Variants in CTNNBL1 observed in about 807,000 individuals in gnomAD.
CTNNBL1 encodes beta-catenin-like protein 1.
A neutral mutation model predicts 72.7 loss-of-function variants in CTNNBL1; 31 were observed. The ratio of observed to expected loss-of-function variants is 0.43; its 90% CI spans 0.32 to 0.58. CTNNBL1 has a LOEUF of 0.58. Ranked by LOEUF, CTNNBL1 falls within the 20% of genes least tolerant of loss-of-function variation. The probability of loss-of-function intolerance (pLI) is 0.08; values close to 1 mark genes in which losing one functional copy is unlikely to be tolerated. For missense variants in CTNNBL1, 534 were observed against 725.1 expected (o/e 0.74, Z 3.03); for synonymous variants, 240 against 267.3 (o/e 0.90, Z 1.00).
At chr20:37,840,008 T>G (rs2072288738) in intron 11 of CTNNBL1, 94 bp from the exon 12 acceptor site, 1 of 838,130 alleles carries the variant, frequency 1.2e-6, no homozygotes, top group African/African-American at 1.7e-5. Context: ...AAGGCCTACT[T>G]ATTCTGCCCT....
chr20:37,705,344 A>G (rs2072876052), intron 1 of CTNNBL1, among the ~76,000 whole-genome samples: 1 of 152,210 alleles, frequency 6.6e-6, no homozygotes, highest in Admixed American at 6.5e-5. Flanking sequence ...AAATGAGACA[A>G]TTTGGATATT....
intron 11 of CTNNBL1, among the ~76,000 whole-genome samples, chr20:37,833,946 A>G (rs1006370076): frequency 6.6e-6 from 1 of 152,216 alleles, no homozygotes; most frequent in South Asian, 2.1e-4. Flanking sequence ...TCTGGCCGGC[A>G]CCAGTAGCCT....
At chr20:37,788,999 CAGATGA>C (rs1173765894) in intron 10 of CTNNBL1, among the ~76,000 whole-genome samples, 2 of 152,032 alleles carry the variant, frequency 1.3e-5, no homozygotes, top group African/African-American at 4.8e-5. Flanking sequence ...TGCCAAAGGA[CAGATGA>C]AGACATCTTG....
At chr20:37,698,402 C>G (rs554152367) in intron 1 of CTNNBL1, among the ~76,000 whole-genome samples, 3 of 152,274 alleles carry the variant, frequency 2.0e-5, no homozygotes, top group East Asian at 3.9e-4. Context: ...CGTTAGGCAC[C>G]AAAAACCAGC....
At chr20:37,859,509 T>C (rs149112147) in intron 13 of CTNNBL1, among the ~76,000 whole-genome samples, 1 of 152,246 alleles carries the variant, frequency 6.6e-6, no homozygotes, top group African/African-American at 2.4e-5. Context: ...AGGGGCCAAC[T>C]GTATCTTACA....
chr20:37,833,996 A>G (rs1469596537), intron 11 of CTNNBL1, among the ~76,000 whole-genome samples: 2 of 152,232 alleles, frequency 1.3e-5, no homozygotes, highest in Non-Finnish European at 2.9e-5. Context: ...GTAGAAGGGC[A>G]TAGGCATCAA....
At chr20:37,853,488 G>A (rs2072413868) in intron 13 of CTNNBL1, among the ~76,000 whole-genome samples, 1 of 152,146 alleles carries the variant, frequency 6.6e-6, no homozygotes, top group South Asian at 2.1e-4. Flanking sequence ...GGAGTTTCAG[G>A]CACCCTTCGA....
intron 13 of CTNNBL1, 45 bp downstream of exon 13, chr20:37,842,464 C>T (rs1168930450): frequency 1.9e-5 from 26 of 1,365,534 alleles, no homozygotes; most frequent in African/African-American, 7.1e-5. Flanking sequence ...ACTTGCCCTC[C>T]GTTTGGGTCC....
intron 1 of CTNNBL1, among the ~76,000 whole-genome samples, chr20:37,722,957 A>G (rs1411646780): frequency 2.0e-5 from 3 of 152,248 alleles, no homozygotes; most frequent in Non-Finnish European, 4.4e-5. Context: ...GTTCTGGTGT[A>G]GCTGACAAAA....
At chr20:37,799,323 C>T (rs971480806) in intron 10 of CTNNBL1, among the ~76,000 whole-genome samples, 7 of 152,176 alleles carry the variant, frequency 4.6e-5, no homozygotes, top group East Asian at 3.9e-4. Flanking sequence ...CCTGACAGCA[C>T]GTGTGGAGCC....
chr20:37,777,838 T>C (rs2073589727), intron 9 of CTNNBL1, 126 bp downstream of exon 9: 2 of 961,910 alleles, frequency 2.1e-6, no homozygotes, highest in Non-Finnish European at 3.4e-6. Context: ...TGTTGGCAGG[T>C]TTGAGGGTTA....
chr20:37,745,441 A>C (rs188468015), intron 3 of CTNNBL1, among the ~76,000 whole-genome samples: 2 of 152,360 alleles, frequency 1.3e-5, no homozygotes, highest in Admixed American at 1.3e-4. Context: ...CAGTAATAGT[A>C]GCAGCAATAG....
chr20:37,797,231 A>C (rs2073784415), intron 10 of CTNNBL1, among the ~76,000 whole-genome samples: 1 of 152,132 alleles, frequency 6.6e-6, no homozygotes, highest in Non-Finnish European at 1.5e-5. Context: ...TCAGACTCTA[A>C]TGTAAGTGAA....
At chr20:37,829,108 G>GGGGGGCA (rs1568799892) in intron 11 of CTNNBL1, among the ~76,000 whole-genome samples, 2 of 152,130 alleles carry the variant, frequency 1.3e-5, no homozygotes, top group African/African-American at 4.8e-5. Context: ...CTGTCCATCT[G>GGGGGGCA]GGGGGCAGGG....
At chr20:37,802,308 A>G (rs1005959492) in intron 10 of CTNNBL1, among the ~76,000 whole-genome samples, 5 of 152,234 alleles carry the variant, frequency 3.3e-5, no homozygotes, top group East Asian at 1.9e-4. Flanking sequence ...AGGCAAATCT[A>G]TAAGAAAGAA....
At chr20:37,731,691 C>T (rs1376445493) in intron 1 of CTNNBL1, among the ~76,000 whole-genome samples, 14 of 152,238 alleles carry the variant, frequency 9.2e-5, no homozygotes, top group Non-Finnish European at 2.1e-4. Context: ...CTGTGCCTGG[C>T]TTATTTCACT....
At chr20:37,842,151 G>A (rs2072309216) in intron 12 of CTNNBL1, 188 bp from the exon 13 acceptor site, 1 of 578,580 alleles carries the variant, frequency 1.7e-6, no homozygotes. Flanking sequence ...TGTTTGCTTT[G>A]TTCTGCCCCA....
At chr20:37,765,050 G>C in intron 5 of CTNNBL1, 147 bp from the exon 6 acceptor site, 1 of 630,954 alleles carries the variant, frequency 1.6e-6, no homozygotes, top group Non-Finnish European at 2.9e-6. Context: ...GAGATAATGG[G>C]ATGGGAGAGC....
chr20:37,824,912 C>T lies in CTNNBL1; in HGVS notation c.1214-15190C>T, dbSNP rs577082320. 8.5e-5 allele frequency among the ~76,000 whole-genome samples: 13 copies of T among 152,310 alleles called. No individual in the cohort carries two copies. In the South Asian group the frequency reaches 2.3e-3, roughly 27 times the overall value. ...AGGGCAGAAGGACACGTGTCCCCTC[C>T]GGGAAGTCCCAAATACCAGTTCAAC... On this transcript the variant is annotated intron_variant, in intron 11 of 15. Transcript: ENST00000361383.
Sources: allele counts gnomAD v4.1 joint callset (sites outside exome capture counted in the v4.1 genomes callset), GRCh38; gene constraint gnomAD v4.1.1; transcripts MANE v1.5; gene names NCBI Gene and HGNC (gene_info 2026-07-23, HGNC 2026-07-21).